LAMB4: variants seen among roughly 807,000 people sequenced by gnomAD.
LAMB4 encodes the protein laminin subunit beta-4.
Under a neutral mutation model 199.2 loss-of-function variants are expected in LAMB4, and 196 were observed. The observed-to-expected ratio is 0.98, with a 90% CI of 0.88 to 1.11. The LOEUF (loss-of-function observed/expected upper bound fraction) is 1.11, where lower values mean the gene tolerates loss of function less well. LAMB4 is among the 50% of genes least tolerant of loss of function. LAMB4 has a pLI of 0.00. For synonymous variants in LAMB4, 744 were observed against 770.6 expected (o/e 0.97, Z 0.57); for missense variants, 2,080 against 2,171.2 (o/e 0.96, Z 0.83).
At chr7:108,014,102 T>C in the LAMB4 span, among the ~76,000 whole-genome samples, 1 of 148,740 alleles carries the variant, frequency 6.7e-6, no homozygotes, top group African/African-American at 2.4e-5. Flanking sequence ...TAGTCCTTGT[T>C]CTAATACAAT....
intron 17 of LAMB4, 49 bp from the exon 18 acceptor site, chr7:108,069,934 A>T: frequency 6.8e-7 from 1 of 1,468,470 alleles, no homozygotes; most frequent in Non-Finnish European, 9.3e-7. Flanking sequence ...TCTGCTGTGT[A>T]CGATTCTACT....
At chr7:108,028,919 C>G in intron 33 of LAMB4, 124 bp downstream of exon 33, 6 of 877,542 alleles carry the variant, frequency 6.8e-6, no homozygotes, top group Non-Finnish European at 1.0e-5. Flanking sequence ...CCAATTTCTA[C>G]TTCTCTCTCC....
In LAMB4 at chr7:108,063,779, G is replaced by C; in HGVS notation, c.3043C>G (p.Leu1015Val). The C allele has an allele frequency of 1.2e-6, 2 of 1,614,076 alleles. No homozygotes were observed. The highest frequency in any genetic ancestry group is 8.5e-7 in the Non-Finnish European group (1 of 1,179,962). Residue 1015 changes from leucine to valine, a missense_variant, in exon 22 of 34, where the codon CTC becomes GTC. Transcript: ENST00000388781. Reference protein sequence around the residue: ...LCKPGHYGSALNQTCRRCSCH... With the variant: ...LCKPGHYGSAVNQTCRRCSCH... ...GACTTACTTCTGCAGGTCTGATTGAGGGCTGATCCATAGTGACCTGGTTTG... is the reference window on the plus strand; with the variant it reads ...GACTTACTTCTGCAGGTCTGATTGACGGCTGATCCATAGTGACCTGGTTTG...
At chr7:108,031,186 G>T (rs748759200) in intron 31 of LAMB4, among the ~76,000 whole-genome samples, 1 of 151,500 alleles carries the variant, frequency 6.6e-6, no homozygotes, top group Non-Finnish European at 1.5e-5. Flanking sequence ...TTAGCCTAGC[G>T]TGGGGTGCAT....
Position 108,062,850 on chromosome 7 carries a change from CA to C in LAMB4, c.3205del (p.Trp1069GlyfsTer35). The C allele has an allele frequency of 1.9e-6, 3 of 1,578,204 alleles. No individual in the cohort carries two copies. Among genetic ancestry groups the C allele is most frequent in the Non-Finnish European group, 2.6e-6 (3 of 1,163,874 alleles). ...ACATCCTCTGCCAGGGACCAGATTC[CA>C]GTATCCATCAGCACAACGGTCACAG... is the stretch of plus-strand genomic sequence containing the variant. ...LACDRCADGYWNLVPGRGCQS... is the reference protein window; with the variant it reads ...LACDRCADGYXNLVPGRGCQS... On this transcript the variant is annotated frameshift_variant, in exon 23 of 34. Coordinates refer to ENST00000388781, the MANE Select transcript of LAMB4 (RefSeq NM_007356.3). LOFTEE classifies it high-confidence loss of function.
rs566293850 is a variant in LAMB4 at position 108,114,267 on chromosome 7, A to G, written c.192+1737T>C. On this transcript the variant is annotated intron_variant, in intron 3 of 33. Coordinates refer to ENST00000388781, the MANE Select transcript of LAMB4 (RefSeq NM_007356.3). ...TGGGACTGGTCTCTATAAAAATACC[A>G]AAAATTAACAGGGCATGGTGGTGCT... Among the ~76,000 whole-genome samples the G allele has an allele frequency of 3.9e-5, 6 of 152,170 alleles. No individual in the cohort carries two copies. In the East Asian group the frequency reaches 1.2e-3, roughly 30 times the overall value.
intron 1 of LAMB4, among the ~76,000 whole-genome samples, chr7:108,124,939 A>G (rs931189851): frequency 3.9e-5 from 6 of 152,070 alleles, no homozygotes; most frequent in Non-Finnish European, 8.8e-5. Flanking sequence ...CAGCCTCCCT[A>G]TGAAGTCTTT....
At chr7:108,103,742 G>A (rs1055079132) in intron 9 of LAMB4, among the ~76,000 whole-genome samples, 5 of 152,172 alleles carry the variant, frequency 3.3e-5, no homozygotes, top group Non-Finnish European at 5.9e-5. Context: ...GGAGGGAAAG[G>A]CAGTCTGTTT....
chr7:108,114,744 A>G (rs888523554), intron 3 of LAMB4, among the ~76,000 whole-genome samples: 2 of 152,230 alleles, frequency 1.3e-5, no homozygotes, highest in South Asian at 2.1e-4. Context: ...CTTATGTCCA[A>G]CTTCCTTCCT....
chr7:108,041,359 A>G (rs1465504749), intron 29 of LAMB4, among the ~76,000 whole-genome samples: 1 of 152,144 alleles, frequency 6.6e-6, no homozygotes, highest in African/African-American at 2.4e-5. Context: ...AGACCTAAAA[A>G]AAGATTACAA....
intron 16 of LAMB4, among the ~76,000 whole-genome samples, chr7:108,077,800 G>A (rs1024434407): frequency 6.6e-6 from 1 of 152,160 alleles, no homozygotes; most frequent in Non-Finnish European, 1.5e-5. Context: ...GAGTAATCAA[G>A]CTGAATGTTT....
chr7:108,038,054 C>G (rs898617443), intron 29 of LAMB4, among the ~76,000 whole-genome samples: 2 of 152,160 alleles, frequency 1.3e-5, no homozygotes, highest in African/African-American at 4.8e-5. Flanking sequence ...TTTTGCTCAT[C>G]TATGTAATTG....
chr7:108,085,598 TTTTTTA>T (rs2037140965), intron 14 of LAMB4, among the ~76,000 whole-genome samples: 1 of 152,096 alleles, frequency 6.6e-6, no homozygotes, highest in Non-Finnish European at 1.5e-5. Flanking sequence ...GCATTGTTAT[TTTTTTA>T]TTTTTATGTA....
intron 31 of LAMB4, among the ~76,000 whole-genome samples, chr7:108,033,107 G>C (rs1209777892): frequency 6.6e-6 from 1 of 152,038 alleles, no homozygotes; most frequent in Non-Finnish European, 1.5e-5. Context: ...CTGTACCCTT[G>C]GGCATATGTG....
intron 23 of LAMB4, among the ~76,000 whole-genome samples, chr7:108,060,297 A>T (rs1317128377): frequency 6.6e-6 from 1 of 152,204 alleles, no homozygotes; most frequent in Non-Finnish European, 1.5e-5. Context: ...CATGCTTCCC[A>T]AAAGGTCTAA....
At chr7:108,033,700 T>C (rs1171845136) in intron 31 of LAMB4, among the ~76,000 whole-genome samples, 2 of 151,408 alleles carry the variant, frequency 1.3e-5, no homozygotes, top group Non-Finnish European at 2.9e-5. Context: ...TGAGCAACCA[T>C]GCCTGGCCAG....
chr7:108,116,273 G>T, intron 2 of LAMB4, 112 bp from the exon 3 acceptor site: 1 of 1,036,968 alleles, frequency 9.6e-7, no homozygotes, highest in Non-Finnish European at 1.3e-6. Context: ...ATTGGCCAAA[G>T]ATGTATCAGA....
At chr7:108,042,957 G>A (rs576315284) in intron 29 of LAMB4, among the ~76,000 whole-genome samples, 38 of 151,644 alleles carry the variant, frequency 2.5e-4, no homozygotes, top group Non-Finnish European at 4.6e-4. Context: ...GTGTGTGTGT[G>A]TGTGTGTGTG....
At chr7:108,107,403 A>C (rs1005656651) in intron 6 of LAMB4, among the ~76,000 whole-genome samples, 5 of 152,142 alleles carry the variant, frequency 3.3e-5, no homozygotes, top group Non-Finnish European at 7.4e-5. Context: ...GCCCCGTTTA[A>C]GTGTTATCCC....
Sources: gnomAD v4.1 joint callset for allele counts (sites outside exome capture counted in the v4.1 genomes callset) on GRCh38, gnomAD v4.1.1 for gene constraint, MANE v1.5 for transcripts, NCBI Gene and HGNC (gene_info 2026-07-23, HGNC 2026-07-21) for gene names.